Variants in LUC7L3 observed in about 807,000 individuals in gnomAD.
LUC7L3 encodes luc7-like protein 3.
LUC7L3 carries 6 observed loss-of-function variants against 66.8 expected under a neutral mutation model. The observed-to-expected ratio is 0.09, with a 90% confidence interval of 0.05 to 0.18. The LOEUF (loss-of-function observed/expected upper bound fraction) is 0.18. Ranked by LOEUF, LUC7L3 falls within the 10% of genes least tolerant of loss-of-function variation. The pLI, the probability that LUC7L3 is intolerant of heterozygous loss-of-function variation, is 1.00. For missense variants in LUC7L3, 341 were observed against 531.1 expected (o/e 0.64, Z 3.52); for synonymous variants, 160 against 174.7 (o/e 0.92, Z 0.66).
chr17:50,740,963 A>G (rs1970313163), intron 3 of LUC7L3, 139 bp from the exon 4 acceptor site: 4 of 792,068 alleles, frequency 5.1e-6, no homozygotes, highest in South Asian at 4.7e-5. Context: ...ATGAGGGGCA[A>G]TCAGAAAGTC....
intron 1 of LUC7L3, among the ~76,000 whole-genome samples, chr17:50,734,819 C>G (rs1969868564): frequency 6.6e-6 from 1 of 152,022 alleles, no homozygotes; most frequent in Non-Finnish European, 1.5e-5. Context: ...ATTAGAAGTC[C>G]TATTGAAAAC....
At chr17:50,728,042 C>T (rs566975871) in intron 1 of LUC7L3, among the ~76,000 whole-genome samples, 6 of 151,102 alleles carry the variant, frequency 4.0e-5, no homozygotes, top group Non-Finnish European at 5.9e-5. Flanking sequence ...GGCGTGAACC[C>T]GGGAGGCGGA....
chr17:50,750,492 T>A lies in LUC7L3; in HGVS notation c.1139-9T>A. 1 of 1,607,224 alleles carries A rather than the reference T, an allele frequency of 6.2e-7. No homozygotes were observed. ...TAAAATCCATGGTCAATGTCTTCTT[T>A]TATGGCAGAAAAGAGGGGATCTGAT... is the stretch of plus-strand genomic sequence containing the variant. On this transcript the variant is annotated splice_polypyrimidine_tract_variant and intron_variant, in intron 9 of 9. Transcript: ENST00000505658.
chr17:50,738,305 C>A (rs537759489), intron 2 of LUC7L3: 17 of 220,964 alleles, frequency 7.7e-5, no homozygotes, highest in Non-Finnish European at 1.3e-4. Context: ...CTACTAACTT[C>A]CAGTCAGATT....
intron 1 of LUC7L3, among the ~76,000 whole-genome samples, chr17:50,735,929 T>G (rs1333254065): frequency 6.6e-6 from 1 of 152,216 alleles, no homozygotes; most frequent in African/African-American, 2.4e-5. Flanking sequence ...GGTCAGGAGT[T>G]CGAGACCAGC....
chr17:50,741,670 C>T lies in LUC7L3; in HGVS notation c.365C>T (p.Thr122Ile). ...NQQSSGAAGP[T>I]GKNEEKIQVL... Reference sequence around the variant, plus strand: ...TGTCTTCAATAGGCCGCTGGCCCAACAGGCAAAAATGAAGAAAAAATTCAG... The same window carrying T: ...TGTCTTCAATAGGCCGCTGGCCCAATAGGCAAAAATGAAGAAAAAATTCAG... Residue 122 changes from threonine (T) to isoleucine (I), a missense_variant, in exon 5 of 10, where the codon ACA (threonine) becomes ATA (isoleucine). Physicochemically the swap from Thr to Ile is moderately conservative, Grantham distance 89. Transcript: ENST00000505658. The T allele has an allele frequency of 6.2e-7, 1 of 1,613,328 alleles. No individual in the cohort carries two copies.
At chr17:50,740,285 C>A in intron 2 of LUC7L3, 21 bp from the exon 3 acceptor site, 2 of 1,544,808 alleles carry the variant, frequency 1.3e-6, no homozygotes, top group South Asian at 1.2e-5. Flanking sequence ...ATAATTTATA[C>A]AATTATATTT....
rs1971084463 is a variant in LUC7L3, at chr17:50,754,956, TGTTTTTAA to T, written c.*4296_*4303del. The T allele has an allele frequency of 6.6e-6, 1 of 152,232 alleles. No individual in the cohort carries two copies. Among genetic ancestry groups the T allele is most frequent in the African/African-American group, 2.4e-5 (1 of 41,466 alleles). The allele number at this position is 152,232 out of a possible 1,614,324, so 9.4% of individuals were successfully genotyped here. ...AAGTTCTCTGAGCCCTCATCCATTC[TGTTTTTAA>T]AAATGCATTGCAGATGGGCTATGTG... is the stretch of plus-strand genomic sequence containing the variant. On this transcript the variant is annotated 3_prime_UTR_variant, in exon 10 of 10. Transcript: ENST00000505658.
At chr17:50,732,625 T>C (rs1469449682) in intron 1 of LUC7L3, among the ~76,000 whole-genome samples, 2 of 150,900 alleles carry the variant, frequency 1.3e-5, no homozygotes, top group Non-Finnish European at 2.9e-5. Context: ...CAAATGATCC[T>C]CCTGCTTTGG....
At chr17:50,734,077 A>G (rs1969821473) in intron 1 of LUC7L3, among the ~76,000 whole-genome samples, 1 of 152,246 alleles carries the variant, frequency 6.6e-6, no homozygotes, top group African/African-American at 2.4e-5. Context: ...AATAATTTTT[A>G]AAAACATTAG....
Position 50,751,652 on chromosome 17 carries a change from T to C in LUC7L3, c.*991T>C, listed in dbSNP as rs1970979200. The C allele has an allele frequency of 9.0e-7, 1 of 1,108,850 alleles. No individual in the cohort carries two copies. The highest frequency in any genetic ancestry group is 4.6e-5 in the Admixed American group (1 of 21,826). The allele number at this position is 1,108,850 out of a possible 1,614,324, so 68.7% of individuals were successfully genotyped here. ...TTACACTCAATGCAATTCTCAAGTC[T>C]ATAAGAGGTATGTGCTTAATATTTC... is the stretch of plus-strand genomic sequence containing the variant. On this transcript the variant is annotated 3_prime_UTR_variant, in exon 10 of 10. Transcript: ENST00000505658.
Position 50,752,149 on chromosome 17 carries a change from G to C in LUC7L3, c.*1488G>C. ...GGCCAACACTTTCTCATAAAAATTG[G>C]CCTTTTACATGTTGTCTAATTATCA... On this transcript the variant is annotated 3_prime_UTR_variant, in exon 10 of 10. Coordinates refer to ENST00000505658, the MANE Select transcript of LUC7L3 (RefSeq NM_016424.5). 3 of 1,275,434 alleles carry C rather than the reference G, an allele frequency of 2.4e-6. No homozygotes were observed. Among genetic ancestry groups the C allele is most frequent in the Non-Finnish European group, 3.1e-6 (3 of 983,242 alleles). The allele number at this position is 1,275,434 out of a possible 1,614,324, so 79.0% of individuals were successfully genotyped here. A position where few individuals can be genotyped will look rare whatever the true frequency, so the allele number is the denominator to read the frequency against.
chr17:50,734,756 G>T (rs1969865210), intron 1 of LUC7L3, among the ~76,000 whole-genome samples: 1 of 152,156 alleles, frequency 6.6e-6, no homozygotes. Context: ...TAAAACTAGT[G>T]GCTTGCCTAG....
In LUC7L3 at chr17:50,751,915, A is replaced by C; in HGVS notation, c.*1254A>C. On this transcript the variant is annotated 3_prime_UTR_variant, in exon 10 of 10. Transcript: ENST00000505658. ...TCTGTGGGCTAGTGGTGTGGGACAA[A>C]ATATTCCTAATGAAAGGAAGTACCA... 9.7e-7 allele frequency: 1 copy of C among 1,030,068 alleles called. No individual in the cohort carries two copies. The highest frequency in any genetic ancestry group is 1.2e-6 in the Non-Finnish European group (1 of 856,528). 63.8% of individuals were successfully genotyped at this position (1,030,068 alleles called of 1,614,324 possible).
At chr17:50,726,865 G>A (rs117693313) in intron 1 of LUC7L3, among the ~76,000 whole-genome samples, 11,853 of 152,042 alleles carry the variant, frequency 0.078, 452 homozygotes, top group Non-Finnish European at 0.082. Flanking sequence ...CGAGGTGGGC[G>A]GTCACTTGAG....
rs1971104509 is a variant in LUC7L3, at chr17:50,756,058, G to A, written c.*5397G>A. ...GACAAAATTTAATGTTAGCCGTTTT[G>A]ATGGAGGGAGAGGTGATCATGAGGG... is the stretch of plus-strand genomic sequence containing the variant. On this transcript the variant is annotated 3_prime_UTR_variant, in exon 10 of 10. Coordinates refer to ENST00000505658, the MANE Select transcript of LUC7L3 (RefSeq NM_016424.5). 1 of 152,204 alleles carries A rather than the reference G, an allele frequency of 6.6e-6. No homozygotes were observed. The highest frequency in any genetic ancestry group is 6.5e-5 in the Admixed American group (1 of 15,278). The allele number at this position is 152,204 out of a possible 1,614,324, so 9.4% of individuals were successfully genotyped here. A position where few individuals can be genotyped will look rare whatever the true frequency, so the allele number is the denominator to read the frequency against.
At chr17:50,723,953 C>A (rs12449971) in intron 1 of LUC7L3, 2 of 446,252 alleles carry the variant, frequency 4.5e-6, no homozygotes, top group African/African-American at 2.0e-5. Context: ...CTACCTTACT[C>A]CATAGTAAAA....
intron 4 of LUC7L3, 29 bp downstream of exon 4, chr17:50,741,275 A>G: frequency 1.9e-6 from 3 of 1,605,752 alleles, no homozygotes; most frequent in African/African-American, 1.3e-5. Flanking sequence ...GTCTTTGTAA[A>G]CGGTCCTTGT....
chr17:50,719,898 C>A, intron 1 of LUC7L3, 67 bp downstream of exon 1: 1 of 1,439,890 alleles, frequency 6.9e-7, no homozygotes, highest in Non-Finnish European at 9.4e-7. Context: ...CGGGCTGTGG[C>A]CCTCCTGGCC....
Sources: gnomAD v4.1 joint callset for allele counts (sites outside exome capture counted in the v4.1 genomes callset) on GRCh38, gnomAD v4.1.1 for gene constraint, MANE v1.5 for transcripts, NCBI Gene and HGNC (gene_info 2026-07-23, HGNC 2026-07-21) for gene names.